PIK3R3: variants seen among roughly 807,000 people sequenced by gnomAD.
PIK3R3 encodes phosphatidylinositol 3-kinase regulatory subunit gamma.
A neutral mutation model predicts 62.9 loss-of-function variants in PIK3R3; 64 were observed. The ratio of observed to expected loss-of-function variants is 1.02; its 90% CI spans 0.83 to 1.25. PIK3R3 has a LOEUF of 1.25. PIK3R3 is among the 50% of genes most tolerant of loss of function. The pLI, the probability that PIK3R3 is intolerant of heterozygous loss-of-function variation, is 0.00. For synonymous variants in PIK3R3, 165 were observed against 189.0 expected (o/e 0.87, Z 1.04); for missense variants, 614 against 561.6 (o/e 1.09, Z -0.94).
At chr1:46,082,724 A>T (rs894153680) in intron 1 of PIK3R3, among the ~76,000 whole-genome samples, 2 of 152,174 alleles carry the variant, frequency 1.3e-5, no homozygotes, top group African/African-American at 4.8e-5. Context: ...AATTGTAAGC[A>T]ATCTTGGGGG....
In PIK3R3 at chr1:46,042,248, C is replaced by T. The variant is rs1647010316; in HGVS notation, c.*1425G>A. ...CTTCACTCAGCTGGAAGGCTTAAGC[C>T]ACATGGAGCAGAAGATTCCTGGCCT... On this transcript the variant is annotated 3_prime_UTR_variant, in exon 10 of 10. Coordinates refer to ENST00000262741, the MANE Select transcript of PIK3R3 (RefSeq NM_003629.4). This position sits in a 1 kb window ranked among gnomAD's most constrained non-coding sequence, Gnocchi z 4.3. 1 of 227,106 alleles carries T rather than the reference C, an allele frequency of 4.4e-6. No homozygotes were observed. Among genetic ancestry groups the T allele is most frequent in the Non-Finnish European group, 8.8e-6 (1 of 114,248 alleles). 14.1% of individuals were successfully genotyped at this position (227,106 alleles called of 1,614,324 possible).
intron 1 of PIK3R3, among the ~76,000 whole-genome samples, chr1:46,100,965 G>C (rs982804536): frequency 6.6e-6 from 1 of 151,022 alleles, no homozygotes; most frequent in Non-Finnish European, 1.5e-5. Flanking sequence ...AGGTAGGCTA[G>C]GAGTTCAAGA....
chr1:46,109,276 C>T (rs553351712), intron 1 of PIK3R3, among the ~76,000 whole-genome samples: 2 of 152,214 alleles, frequency 1.3e-5, no homozygotes, highest in African/African-American at 2.4e-5. Flanking sequence ...TCTGTTTTCT[C>T]ACCTCCCAGT....
intron 7 of PIK3R3, among the ~76,000 whole-genome samples, chr1:46,053,758 AC>A (rs1647600270): frequency 6.6e-6 from 1 of 152,256 alleles, no homozygotes; most frequent in South Asian, 2.1e-4. Flanking sequence ...ACAGACTAAG[AC>A]ACCACACTTA....
At chr1:46,130,462 C>CTGAAA (rs993006137) in intron 1 of PIK3R3, among the ~76,000 whole-genome samples, 2 of 151,526 alleles carry the variant, frequency 1.3e-5, no homozygotes, top group Non-Finnish European at 2.9e-5. Flanking sequence ...AAATAAAGCT[C>CTGAAA]TGAAATAAAG....
chr1:46,064,019 C>A (rs1648761602), intron 5 of PIK3R3, among the ~76,000 whole-genome samples: 1 of 151,960 alleles, frequency 6.6e-6, no homozygotes, highest in South Asian at 2.1e-4. Context: ...TCAAGACCAG[C>A]CTGACCAACA....
At position 46,067,068 on chromosome 1, in the gene PIK3R3, A is replaced by G. The variant is rs1255351180; in HGVS notation, c.338T>C (p.Ile113Thr). The part of the protein sequence containing the change: ...TLRKGGNNKL[I>T]KIYHRDGKYG... Reference sequence around the variant, plus strand: ...TTTACCATCCCGGTGATAGATCTTTATTAACTTATTATTGCCTCCCTTCCT... The same window carrying G: ...TTTACCATCCCGGTGATAGATCTTTGTTAACTTATTATTGCCTCCCTTCCT... The change falls in exon 4 of 10, where the codon ATA becomes ACA. Residue 113 changes from isoleucine (I) to threonine (T), a missense_variant. Ile to Thr is a moderately conservative substitution (Grantham distance 89, BLOSUM62 -1). Transcript: ENST00000262741. The G allele has an allele frequency of 8.2e-6, 13 of 1,578,940 alleles. No individual in the cohort carries two copies. Among genetic ancestry groups the G allele is most frequent in the Non-Finnish European group, 1.1e-5 (13 of 1,164,826 alleles).
the PIK3R3 span, among the ~76,000 whole-genome samples, chr1:46,166,198 A>G: frequency 6.6e-6 from 1 of 151,584 alleles, no homozygotes; most frequent in Non-Finnish European, 1.5e-5. Flanking sequence ...TCCTATGCTT[A>G]TAGGCTTTTT....
chr1:46,160,789 G>A, the PIK3R3 span, among the ~76,000 whole-genome samples: 1 of 152,180 alleles, frequency 6.6e-6, no homozygotes, highest in East Asian at 1.9e-4. Flanking sequence ...GTCATGATTG[G>A]CCAAGATAGG....
the PIK3R3 span, among the ~76,000 whole-genome samples, chr1:46,173,600 G>A: frequency 1.3e-5 from 2 of 152,162 alleles, no homozygotes; most frequent in African/African-American, 2.4e-5. Context: ...GGCTGCACCC[G>A]CTCATCCGGG....
intron 6 of PIK3R3, among the ~76,000 whole-genome samples, chr1:46,060,674 C>A (rs776575190): frequency 6.6e-6 from 1 of 152,120 alleles, no homozygotes; most frequent in Non-Finnish European, 1.5e-5. Flanking sequence ...AATTCAAGCC[C>A]ATAGTTTTAA....
At chr1:46,171,554 G>A in the PIK3R3 span, among the ~76,000 whole-genome samples, 3 of 152,136 alleles carry the variant, frequency 2.0e-5, no homozygotes, top group Admixed American at 1.3e-4. Context: ...TGGGGTGACC[G>A]GTATTGCATT....
At chr1:46,145,829 G>C in the PIK3R3 span, among the ~76,000 whole-genome samples, 1 of 152,180 alleles carries the variant, frequency 6.6e-6, no homozygotes, top group African/African-American at 2.4e-5. Flanking sequence ...CTCCTTAGGA[G>C]AACAGATCCA....
chr1:46,043,297 CAA>C lies in PIK3R3; in HGVS notation c.*374_*375del, dbSNP rs1647028497. 1 of 263,624 alleles carries C rather than the reference CAA, an allele frequency of 3.8e-6. No homozygotes were observed. The highest frequency in any genetic ancestry group is 7.4e-6 in the Non-Finnish European group (1 of 135,706). 16.3% of individuals were successfully genotyped at this position (263,624 alleles called of 1,614,324 possible). ...CAGAGCCATGCCCCTGCTGCACTCT[CAA>C]GAGTTAGATTTTAAAAAGACATGGT... On this transcript the variant is annotated 3_prime_UTR_variant, in exon 10 of 10. Coordinates refer to ENST00000262741, the MANE Select transcript of PIK3R3 (RefSeq NM_003629.4).
intron 1 of PIK3R3, among the ~76,000 whole-genome samples, chr1:46,102,996 G>A (rs1206613416): frequency 1.3e-5 from 2 of 151,928 alleles, no homozygotes; most frequent in Admixed American, 6.6e-5. Flanking sequence ...GCCTTAAAAA[G>A]GAAGAAAATC....
At chr1:46,136,528 G>T (rs546357112), upstream of PIK3R3, among the ~76,000 whole-genome samples, 5 of 152,242 alleles carry the variant, frequency 3.3e-5, no homozygotes, top group East Asian at 9.6e-4. Flanking sequence ...CTTAGCACTT[G>T]AATACCCATG....
intron 6 of PIK3R3, among the ~76,000 whole-genome samples, chr1:46,059,829 G>C (rs1002260789): frequency 6.6e-6 from 1 of 151,814 alleles, no homozygotes; most frequent in African/African-American, 2.4e-5. Flanking sequence ...GCTGGGCGCG[G>C]TGGCTCATGC....
intron 7 of PIK3R3, among the ~76,000 whole-genome samples, chr1:46,051,109 A>G (rs543399509): frequency 6.6e-6 from 1 of 152,300 alleles, no homozygotes; most frequent in Admixed American, 6.5e-5. Flanking sequence ...AAAATGTTCT[A>G]AAATATGTGG....
intron 7 of PIK3R3, among the ~76,000 whole-genome samples, chr1:46,050,117 G>C (rs1647233185): frequency 9.1e-6 from 1 of 109,730 alleles, no homozygotes; most frequent in Admixed American, 1.0e-4. Context: ...GTGAAACTCT[G>C]TCTCAAAAAA....
Sources: gnomAD v4.1 joint callset for allele counts (sites outside exome capture counted in the v4.1 genomes callset) on GRCh38, gnomAD v4.1.1 for gene constraint, Gnocchi (gnomAD v3.1) non-coding constraint, MANE v1.5 for transcripts, NCBI Gene and HGNC (gene_info 2026-07-23, HGNC 2026-07-21) for gene names.